Variants in RTF2 observed in about 807,000 individuals in gnomAD.
RTF2 encodes UPF0549 protein C20orf43.
In RTF2, 18 loss-of-function variants were observed where a neutral mutation model predicts 38.0. The ratio of observed to expected loss-of-function variants is 0.47; its 90% CI spans 0.33 to 0.70. RTF2 has a LOEUF of 0.70. Among genes scored for constraint, RTF2 ranks in the 30% least tolerant of loss-of-function variants. The pLI, the probability that RTF2 is intolerant of heterozygous loss-of-function variation, is 0.02. For missense variants in RTF2, 311 were observed against 379.6 expected, an observed-to-expected ratio of 0.82 and a Z score of 1.50; for synonymous variants, 126 against 137.1, an observed-to-expected ratio of 0.92 and a Z score of 0.57.
At chr20:56,473,860 C>T (rs903428702) in intron 2 of RTF2, among the ~76,000 whole-genome samples, 7 of 152,010 alleles carry the variant, frequency 4.6e-5, no homozygotes, top group Non-Finnish European at 8.8e-5. Flanking sequence ...TGCACCCCAG[C>T]CTGTGCAAAA....
rs780301217 is a variant in RTF2, at chr20:56,477,117, C to T, written c.391C>T (p.Arg131Ter). The stretch of plus-strand genomic sequence containing the variant: ...CGTTGTGGGCCTGGAGATGAACGGC[C>T]GACACAGGTTAGTGACGGACCTGGG... ...CPVVGLEMNG[R>*]HRFCFLRCCG... is the part of the protein sequence containing the mutation. Residue 131 changes from arginine to a stop codon, truncating the protein, a stop_gained, in exon 4 of 9, where the codon CGA becomes TGA. Coordinates refer to ENST00000357348, the MANE Select transcript of RTF2 (RefSeq NM_016407.5). LOFTEE classifies it high-confidence loss of function. The T allele has an allele frequency of 1.2e-5, 20 of 1,613,324 alleles. No homozygotes were observed. The highest frequency in any genetic ancestry group is 9.4e-5 in the African/African-American group (7 of 74,828).
Position 56,484,188 on chromosome 20 carries a change from C to T in RTF2, c.476C>T (p.Thr159Met), listed in dbSNP as rs1485450446. ...LKEIKAEVCH[T>M]CGAAFQEDDV... ...GAGATAAAAGCGGAAGTTTGCCACA[C>T]GGTGAGTTCCTGACATGTACCATTT... is the stretch of plus-strand genomic sequence containing the variant. Residue 159 changes from threonine to methionine, a missense_variant and splice_region_variant, in exon 5 of 9, where the codon ACG (threonine) becomes ATG (methionine). Physicochemically the swap from Thr to Met is moderately conservative, Grantham distance 81. Transcript: ENST00000357348. 60 of 1,612,136 alleles carry T rather than the reference C, an allele frequency of 3.7e-5. No individual in the cohort carries two copies. The highest frequency in any genetic ancestry group is 4.5e-5 in the Non-Finnish European group (53 of 1,178,290).
At position 56,517,981 on chromosome 20, in the gene RTF2, A is replaced by G. The variant is rs1022560986; in HGVS notation, c.743-106A>G. The G allele has an allele frequency of 2.5e-5, 29 of 1,141,244 alleles. No individual in the cohort carries two copies. In the African/African-American group the frequency reaches 2.8e-4, roughly 11 times the overall value. The allele number at this position is 1,141,244 out of a possible 1,614,324, so 70.7% of individuals were successfully genotyped here. On this transcript the variant is annotated intron_variant, in intron 8 of 8. Coordinates refer to ENST00000357348, the MANE Select transcript of RTF2 (RefSeq NM_016407.5). ...TCCGCCAGCACTCACACAGCCAGCA[A>G]GAGAACGTCTGGGACAGAGTGACTG... is the stretch of plus-strand genomic sequence containing the variant.
chr20:56,479,645 T>A (rs1982428338), intron 4 of RTF2, among the ~76,000 whole-genome samples: 1 of 152,218 alleles, frequency 6.6e-6, no homozygotes, highest in Non-Finnish European at 1.5e-5. Context: ...TATAGCCTTA[T>A]GAAATGTATT....
At chr20:56,493,958 C>CTTT (rs1450259183) in intron 5 of RTF2, among the ~76,000 whole-genome samples, 2 of 152,212 alleles carry the variant, frequency 1.3e-5, no homozygotes, top group African/African-American at 4.8e-5. Context: ...TGCTCCCAGT[C>CTTT]TGAGCCCCAG....
At chr20:56,472,328 T>G (rs964822288) in intron 1 of RTF2, 3 of 1,527,136 alleles carry the variant, frequency 2.0e-6, no homozygotes, top group African/African-American at 2.8e-5. Flanking sequence ...TTATTCAGAT[T>G]TGGCATTTGA....
chr20:56,480,802 A>G (rs1160346215), intron 4 of RTF2, among the ~76,000 whole-genome samples: 1 of 152,214 alleles, frequency 6.6e-6, no homozygotes, highest in Non-Finnish European at 1.5e-5. Context: ...AGCAGTCAAA[A>G]CACACACATT....
chr20:56,507,954 C>G (rs925181842), intron 5 of RTF2, among the ~76,000 whole-genome samples: 10 of 152,170 alleles, frequency 6.6e-5, no homozygotes, highest in Non-Finnish European at 1.5e-4. Context: ...GGCTGTCCCT[C>G]CTCCTGTAGG....
intron 1 of RTF2, 61 bp from the exon 2 acceptor site, chr20:56,473,240 G>T: frequency 1.7e-6 from 2 of 1,209,964 alleles, no homozygotes; most frequent in Non-Finnish European, 1.2e-6. Context: ...TTTATATGTA[G>T]AATTGTGAAC....
chr20:56,485,564 C>G (rs561591939), intron 5 of RTF2, among the ~76,000 whole-genome samples: 116 of 152,136 alleles, frequency 7.6e-4, no homozygotes, highest in African/African-American at 2.6e-3. Context: ...TACCTAGGCC[C>G]GGAGGCAGGC....
rs758002318 is a variant in RTF2, at chr20:56,497,241, A to G, written c.477+13052A>G. The G allele has an allele frequency of 7.1e-6, 11 of 1,551,856 alleles. No individual in the cohort carries two copies. The African/African-American group carries it at 1.4e-4, about 19-fold the overall frequency. On this transcript the variant is annotated intron_variant, in intron 5 of 8. Transcript: ENST00000357348. ...AATAGCTCTGAGAAGCTGCACAAACATGGCCAGCTCCTTATGAATAGTTAT... is the reference window on the plus strand; with the variant it reads ...AATAGCTCTGAGAAGCTGCACAAACGTGGCCAGCTCCTTATGAATAGTTAT...
intron 5 of RTF2, chr20:56,496,799 G>A (rs1281867432): frequency 6.4e-7 from 1 of 1,552,058 alleles, no homozygotes. Context: ...TTAAGTTATG[G>A]GGTGGTTTGT....
chr20:56,515,461 A>G (rs1984963361), intron 6 of RTF2, among the ~76,000 whole-genome samples: 1 of 152,026 alleles, frequency 6.6e-6, no homozygotes, highest in Non-Finnish European at 1.5e-5. Context: ...AATCCCATGT[A>G]CTCCAGAGGC....
intron 5 of RTF2, chr20:56,503,933 A>T (rs969867489): frequency 6.6e-6 from 1 of 152,454 alleles, no homozygotes; most frequent in South Asian, 2.1e-4. Flanking sequence ...GCACTGCCAC[A>T]CTCCAGCCTG....
chr20:56,515,273 A>C (rs1425948305), intron 6 of RTF2, among the ~76,000 whole-genome samples: 1 of 152,054 alleles, frequency 6.6e-6, no homozygotes, highest in Non-Finnish European at 1.5e-5. Context: ...GCTCAGTTTT[A>C]AAAAACACAA....
At chr20:56,502,568 C>G (rs750659677) in intron 5 of RTF2, among the ~76,000 whole-genome samples, 3 of 152,118 alleles carry the variant, frequency 2.0e-5, no homozygotes, top group Non-Finnish European at 2.9e-5. Context: ...CATATATACT[C>G]TTTCGTTGCA....
intron 5 of RTF2, among the ~76,000 whole-genome samples, chr20:56,508,016 G>A (rs1332906039): frequency 2.6e-5 from 4 of 152,196 alleles, no homozygotes; most frequent in Admixed American, 2.6e-4. Context: ...TTCAAGGGTT[G>A]TACCAGTTAA....
chr20:56,491,650 G>C, intron 5 of RTF2: 3 of 1,551,938 alleles, frequency 1.9e-6, no homozygotes, highest in Non-Finnish European at 1.7e-6. Flanking sequence ...CTTGAAGTCT[G>C]TGCCGCCGCT....
chr20:56,503,066 C>T (rs935867974), intron 5 of RTF2, among the ~76,000 whole-genome samples: 1 of 152,204 alleles, frequency 6.6e-6, no homozygotes, highest in Admixed American at 6.5e-5. Flanking sequence ...CACTCACCCT[C>T]GGGGTAATGC....
Sources: gnomAD v4.1 joint callset for allele counts (sites outside exome capture counted in the v4.1 genomes callset) on GRCh38, gnomAD v4.1.1 for gene constraint, MANE v1.5 for transcripts, NCBI Gene and HGNC (gene_info 2026-07-23, HGNC 2026-07-21) for gene names.